The following PRDM1 variants were observed in gnomAD, a reference collection of about 807,000 sequenced individuals.
PRDM1 encodes the protein PR/SET domain 1.
Under a neutral mutation model 62.8 loss-of-function variants are expected in PRDM1, and 13 were observed. The ratio of observed to expected loss-of-function variants is 0.21; its 90% CI spans 0.13 to 0.33. PRDM1 has a LOEUF of 0.33. PRDM1 is among the 10% of genes least tolerant of loss of function. PRDM1 has a pLI of 1.00. For synonymous variants in PRDM1, 396 were observed against 417.6 expected, an observed-to-expected ratio of 0.95 and a Z score of 0.63; for missense variants, 895 against 1,058.8, an observed-to-expected ratio of 0.85 and a Z score of 2.15.
chr6:106,101,911 A>C (rs1031531781), intron 4 of PRDM1, among the ~76,000 whole-genome samples: 3 of 152,324 alleles, frequency 2.0e-5, no homozygotes, highest in South Asian at 2.1e-4. Flanking sequence ...AAACAAAGGA[A>C]AAGGAATAAA....
chr6:106,050,869 C>T (rs543729760), intron 1 of PRDM1, among the ~76,000 whole-genome samples: 1 of 152,172 alleles, frequency 6.6e-6, no homozygotes, highest in African/African-American at 2.4e-5. Context: ...TAAAGCAAAA[C>T]TTCTTAAAAA....
intron 1 of PRDM1, among the ~76,000 whole-genome samples, chr6:106,079,397 C>G: frequency 6.6e-6 from 1 of 152,250 alleles, no homozygotes; most frequent in Non-Finnish European, 1.5e-5. Context: ...GTTGTTTCAT[C>G]TATCCCAACC....
chr6:106,010,424 C>A (rs749274541), intron 1 of PRDM1, among the ~76,000 whole-genome samples: 28 of 152,158 alleles, frequency 1.8e-4, no homozygotes, highest in Non-Finnish European at 3.8e-4. Context: ...TTTTTTGACT[C>A]CCAAACAAGA....
rs375437230 is a variant in PRDM1, at chr6:106,074,585, C to G, written c.-66-13616C>G. Among the ~76,000 whole-genome samples the G allele has an allele frequency of 3.0e-4, 45 of 152,156 alleles. No homozygotes were observed. The East Asian group carries it at 8.3e-3, about 28-fold the overall frequency. ...GTTTCCATTAAAACCAAGTAGAACT[C>G]TTTGGAGAGGCTTGGTAAATACTGG... is the stretch of plus-strand genomic sequence containing the variant. On this transcript the variant is annotated intron_variant, in intron 1 of 6. Transcript: ENST00000651185.
intron 1 of PRDM1, among the ~76,000 whole-genome samples, chr6:106,070,145 G>C (rs1773487591): frequency 6.6e-6 from 1 of 152,210 alleles, no homozygotes; most frequent in East Asian, 1.9e-4. Context: ...GTTTGTGTCA[G>C]ATGGGGATTA....
At chr6:106,073,590 G>T (rs1773555453) in intron 1 of PRDM1, among the ~76,000 whole-genome samples, 1 of 152,204 alleles carries the variant, frequency 6.6e-6, no homozygotes, top group Non-Finnish European at 1.5e-5. Context: ...CCTAGGTAAT[G>T]TGTGGCTAAG....
intron 1 of PRDM1, among the ~76,000 whole-genome samples, chr6:106,032,803 A>G (rs139150104): frequency 6.6e-6 from 1 of 152,280 alleles, no homozygotes; most frequent in East Asian, 1.9e-4. Context: ...TCACCCTCAT[A>G]CAATTTGGCA....
chr6:106,101,179 T>C (rs1774260255), intron 4 of PRDM1, among the ~76,000 whole-genome samples: 1 of 151,950 alleles, frequency 6.6e-6, no homozygotes, highest in Non-Finnish European at 1.5e-5. Context: ...AGGGTCTCCT[T>C]ACATTCCTTG....
At chr6:106,072,231 A>T (rs1358319588) in intron 1 of PRDM1, 1 of 152,248 alleles carries the variant, frequency 6.6e-6, no homozygotes. Flanking sequence ...GGAAAAGAGA[A>T]GAGAAGTAAG....
chr6:106,036,319 T>C (rs983801445), intron 1 of PRDM1, among the ~76,000 whole-genome samples: 12 of 151,932 alleles, frequency 7.9e-5, no homozygotes, highest in South Asian at 4.2e-4. Context: ...CGGCTAACCA[T>C]GCACTCTAAC....
chr6:106,021,983 A>G (rs1772701843), intron 1 of PRDM1, among the ~76,000 whole-genome samples: 1 of 152,214 alleles, frequency 6.6e-6, no homozygotes, highest in African/African-American at 2.4e-5. Flanking sequence ...TAGACTGATG[A>G]CAGAGAAAGT....
At chr6:106,008,561 T>C (rs1313219824) in intron 1 of PRDM1, among the ~76,000 whole-genome samples, 1 of 152,102 alleles carries the variant, frequency 6.6e-6, no homozygotes, top group Non-Finnish European at 1.5e-5. Flanking sequence ...ATTTACTAAG[T>C]GCCTGGTACA....
At chr6:106,083,987 G>A (rs1773744484), upstream of PRDM1, among the ~76,000 whole-genome samples, 2 of 152,082 alleles carry the variant, frequency 1.3e-5, no homozygotes, top group South Asian at 4.1e-4. Context: ...CCCCTTAATG[G>A]TTTTGTGCTG....
chr6:106,078,730 G>A (rs747687569), intron 1 of PRDM1, among the ~76,000 whole-genome samples: 1 of 152,034 alleles, frequency 6.6e-6, no homozygotes, highest in Non-Finnish European at 1.5e-5. Flanking sequence ...AAAATTAGCT[G>A]GGTGTGGTAG....
At chr6:106,044,307 A>G (rs1055267456), upstream of PRDM1, among the ~76,000 whole-genome samples, 7 of 151,740 alleles carry the variant, frequency 4.6e-5, no homozygotes, top group African/African-American at 1.7e-4. Flanking sequence ...TGTTTAGAAG[A>G]ATTTAAAGTT....
chr6:106,037,397 C>A (rs1772936401), intron 1 of PRDM1, among the ~76,000 whole-genome samples: 2 of 152,164 alleles, frequency 1.3e-5, no homozygotes, highest in East Asian at 3.9e-4. Flanking sequence ...TATCTCTCAT[C>A]AAATTTGGTC....
chr6:105,998,933 A>T (rs1054351581), intron 1 of PRDM1, among the ~76,000 whole-genome samples: 703 of 5,484 alleles, frequency 0.13, 7 homozygotes, highest in Non-Finnish European at 0.14. Flanking sequence ...ATATATATAT[A>T]TTTTTTTTTT....
intron 1 of PRDM1, among the ~76,000 whole-genome samples, chr6:106,011,959 T>TAC (rs140962895): frequency 1.6e-5 from 2 of 121,714 alleles, no homozygotes; most frequent in Admixed American, 1.7e-4. Flanking sequence ...CACACCACAC[T>TAC]ACACACACAC....
At chr6:106,010,042 T>C (rs1189615799) in intron 1 of PRDM1, among the ~76,000 whole-genome samples, 1 of 152,102 alleles carries the variant, frequency 6.6e-6, no homozygotes, top group Non-Finnish European at 1.5e-5. Context: ...GAGTTACCCC[T>C]ATGGCAGGTC....
Sources: gnomAD v4.1 joint callset for allele counts (sites outside exome capture counted in the v4.1 genomes callset) on GRCh38, gnomAD v4.1.1 for gene constraint, MANE v1.5 for transcripts, NCBI Gene and HGNC (gene_info 2026-07-23, HGNC 2026-07-21) for gene names.